The following FMN1 variants were observed in gnomAD, a reference collection of about 807,000 sequenced individuals.
FMN1 encodes the protein formin-1.
FMN1 carries 110 observed loss-of-function variants against 132.4 expected under a neutral mutation model. The ratio of observed to expected loss-of-function variants is 0.83; its 90% CI spans 0.71 to 0.97. The LOEUF (loss-of-function observed/expected upper bound fraction) is 0.97, where lower values mean the gene tolerates loss of function less well. FMN1 is among the 50% of genes least tolerant of loss of function. FMN1 has a pLI of 0.00. For missense variants in FMN1, 1,792 were observed against 1,705.3 expected (o/e 1.05, Z -0.90); for synonymous variants, 722 against 651.7 (o/e 1.11, Z -1.64).
At chr15:32,905,243 A>G (rs1009302630) in intron 12 of FMN1, among the ~76,000 whole-genome samples, 2 of 152,254 alleles carry the variant, frequency 1.3e-5, no homozygotes, top group Non-Finnish European at 2.9e-5. Flanking sequence ...TGTTTTTAAG[A>G]GACTAACATT....
chr15:32,942,373 A>T (rs2061419686), intron 9 of FMN1, among the ~76,000 whole-genome samples: 1 of 152,244 alleles, frequency 6.6e-6, no homozygotes, highest in Non-Finnish European at 1.5e-5. Context: ...ACAGGCTGAG[A>T]AAGAATTCTT....
chr15:33,184,160 C>G (rs184680964), intron 2 of FMN1, among the ~76,000 whole-genome samples: 2 of 152,242 alleles, frequency 1.3e-5, no homozygotes, highest in African/African-American at 4.8e-5. Context: ...CCTAAACATC[C>G]ATGCAGGTAG....
At chr15:33,102,402 A>C (rs1187097792) in intron 4 of FMN1, among the ~76,000 whole-genome samples, 1 of 152,170 alleles carries the variant, frequency 6.6e-6, no homozygotes, top group Admixed American at 6.6e-5. Context: ...CTCCAAAGCT[A>C]GACTATTCTC....
chr15:33,153,063 G>A lies in FMN1; in HGVS notation c.1852C>T (p.His618Tyr). Residue 618 changes from histidine (H) to tyrosine (Y), a missense_variant, in exon 4 of 21, where the codon CAC becomes TAC. Around this residue, in one of 3 missense-constraint regions of FMN1, gnomAD observed 1,150 missense variants for 1,043.1 expected, o/e 1.10. Transcript: ENST00000616417. ...GPGKTTAEPQ[H>Y]QSPPGISSEG... ...AGAGACTAACCTGGAGGTGACTGGTGCTGGGGCTCAGCTGTGGTCTTCCCT... is the reference window on the plus strand; with the variant it reads ...AGAGACTAACCTGGAGGTGACTGGTACTGGGGCTCAGCTGTGGTCTTCCCT... 9.2e-6 allele frequency: 14 copies of A among 1,528,078 alleles called. No individual in the cohort carries two copies. Among genetic ancestry groups the A allele is most frequent in the African/African-American group, 1.4e-5 (1 of 72,732 alleles). 94.7% of individuals were successfully genotyped at this position (1,528,078 alleles called of 1,614,324 possible). A position where few individuals can be genotyped will look rare whatever the true frequency, so the allele number is the denominator to read the frequency against.
At chr15:33,139,574 G>A (rs561794642) in intron 4 of FMN1, among the ~76,000 whole-genome samples, 1 of 152,244 alleles carries the variant, frequency 6.6e-6, no homozygotes, top group Non-Finnish European at 1.5e-5. Flanking sequence ...CAGGGCGACA[G>A]AGCGAGACTT....
chr15:33,067,414 T>C (rs1449803175), intron 5 of FMN1: 2 of 1,613,906 alleles, frequency 1.2e-6, no homozygotes, highest in Non-Finnish European at 1.7e-6. Context: ...TTCCCTCCTC[T>C]GGCTCCTGGC....
At position 33,153,424 on chromosome 15, in the gene FMN1, C is replaced by T. The variant is rs755666287; in HGVS notation, c.1491G>A (p.Pro497=). 2.2e-4 allele frequency: 342 copies of T among 1,536,600 alleles called. No individual in the cohort carries two copies. The highest frequency in any genetic ancestry group is 2.9e-4 in the Non-Finnish European group (330 of 1,147,018). Reference sequence around the variant, plus strand: ...TATTAAACACCTTGCCAAGAGCTGCCGGTGCTGGTGGGGATGGCTTCTTCT... The same window carrying T: ...TATTAAACACCTTGCCAAGAGCTGCTGGTGCTGGTGGGGATGGCTTCTTCT... The part of the protein sequence containing the change: ...GDKKKPSPPA[P]AALGKVFNNS... Residue 497 remains proline (P), a synonymous_variant, in exon 4 of 21, where the codon CCG becomes CCA. Coordinates refer to ENST00000616417, the MANE Select transcript of FMN1 (RefSeq NM_001277313.2).
Position 33,088,780 on chromosome 15 carries a change from C to A in FMN1, c.2043+19G>T. On this transcript the variant is annotated intron_variant, in intron 5 of 20. Coordinates refer to ENST00000616417, the MANE Select transcript of FMN1 (RefSeq NM_001277313.2). ...TGACCACAAAGAACCACAGCACAAT[C>A]ACCAAGATTTCTACTTACATGGAGA... The A allele has an allele frequency of 6.5e-7, 1 of 1,530,510 alleles. No homozygotes were observed. The highest frequency in any genetic ancestry group is 1.2e-5 in the South Asian group (1 of 83,120). The allele number at this position is 1,530,510 out of a possible 1,614,324, so 94.8% of individuals were successfully genotyped here. A position where few individuals can be genotyped will look rare whatever the true frequency, so the allele number is the denominator to read the frequency against.
At chr15:33,010,909 A>T (rs895928164) in intron 6 of FMN1, among the ~76,000 whole-genome samples, 8 of 151,986 alleles carry the variant, frequency 5.3e-5, no homozygotes, top group African/African-American at 9.7e-5. Flanking sequence ...CTAAAAAAAA[A>T]AAAATAAACG....
chr15:32,815,435 T>G (rs1289098520), intron 17 of FMN1, among the ~76,000 whole-genome samples: 1 of 152,222 alleles, frequency 6.6e-6, no homozygotes, highest in Non-Finnish European at 1.5e-5. Flanking sequence ...CCTCTGATGA[T>G]TATCTATGAT....
chr15:32,875,933 G>A (rs1596149624), intron 16 of FMN1, among the ~76,000 whole-genome samples: 1 of 152,248 alleles, frequency 6.6e-6, no homozygotes, highest in Middle Eastern at 3.4e-3. Flanking sequence ...GGTGATCCCG[G>A]CCATGCTGCT....
At chr15:33,059,218 G>T (rs1010006324) in intron 6 of FMN1, among the ~76,000 whole-genome samples, 21 of 152,258 alleles carry the variant, frequency 1.4e-4, no homozygotes, top group Admixed American at 1.1e-3. Context: ...ACAACTGAGA[G>T]AATTCCCCCC....
chr15:32,944,580 T>C (rs1403032270), intron 9 of FMN1, among the ~76,000 whole-genome samples: 1 of 152,220 alleles, frequency 6.6e-6, no homozygotes. Flanking sequence ...GAAGTTTACT[T>C]TAAGGATCTA....
At chr15:32,980,352 C>T (rs916111463) in intron 7 of FMN1, among the ~76,000 whole-genome samples, 2 of 151,278 alleles carry the variant, frequency 1.3e-5, no homozygotes, top group African/African-American at 4.9e-5. Flanking sequence ...CAGCACTTGG[C>T]TTTAGCTCTG....
chr15:32,909,200 G>A (rs1177055133), intron 11 of FMN1, among the ~76,000 whole-genome samples: 4 of 152,174 alleles, frequency 2.6e-5, no homozygotes, highest in Non-Finnish European at 5.9e-5. Context: ...CATCTGGAAG[G>A]TACTGCCTTT....
chr15:33,153,362 G>A lies in FMN1; in HGVS notation c.1553C>T (p.Ser518Leu). 1 of 1,536,436 alleles carries A rather than the reference G, an allele frequency of 6.5e-7. No individual in the cohort carries two copies. The highest frequency in any genetic ancestry group is 8.7e-7 in the Non-Finnish European group (1 of 1,146,954). Reference sequence around the variant, plus strand: ...TGGAGACAGAGGCGAGGGAACAGGTGACGTCTGTTTGTGTGTGCTGGACTG... The same window carrying A: ...TGGAGACAGAGGCGAGGGAACAGGTAACGTCTGTTTGTGTGTGCTGGACTG... The part of the protein sequence containing the change: ...ASQSSTHKQT[S>L]PVPSPLSPRL... The change falls in exon 4 of 21, where the codon TCA (serine) becomes TTA (leucine). Residue 518 changes from serine (S) to leucine (L), a missense_variant. By Grantham distance (145) the Ser-to-Leu change is moderately radical. Transcript: ENST00000616417.
At chr15:32,894,611 C>G (rs939029817) in intron 15 of FMN1, among the ~76,000 whole-genome samples, 5 of 151,706 alleles carry the variant, frequency 3.3e-5, no homozygotes, top group Middle Eastern at 6.4e-3. Flanking sequence ...AAGATTCAAA[C>G]AAAGTACTTC....
In FMN1 at chr15:32,774,194, C is replaced by T. The variant is rs1299706049; in HGVS notation, c.*116G>A. ...GCAGATGACCTCAGAAAGAGATGAG[C>T]AAAAACAAACATTTAGTGACACATC... On this transcript the variant is annotated 3_prime_UTR_variant, in exon 21 of 21. Transcript: ENST00000616417. The T allele has an allele frequency of 2.4e-6, 2 of 830,832 alleles. No individual in the cohort carries two copies. The highest frequency in any genetic ancestry group is 3.9e-6 in the Non-Finnish European group (2 of 508,876). 51.5% of individuals were successfully genotyped at this position (830,832 alleles called of 1,614,324 possible).
intron 9 of FMN1, among the ~76,000 whole-genome samples, chr15:32,951,060 G>C (rs1044006166): frequency 6.6e-6 from 1 of 151,762 alleles, no homozygotes; most frequent in Non-Finnish European, 1.5e-5. Flanking sequence ...ATCAAGTACT[G>C]TATGAAAGTT....
Sources: gnomAD v4.1 joint callset for allele counts (sites outside exome capture counted in the v4.1 genomes callset) on GRCh38, gnomAD v4.1.1 for gene constraint, gnomAD v4.1.1 regional missense constraint, MANE v1.5 for transcripts, NCBI Gene and HGNC (gene_info 2026-07-23, HGNC 2026-07-21) for gene names.